Variants in MTUS2 observed in about 807,000 individuals in gnomAD.
MTUS2 encodes the protein microtubule-associated tumor suppressor candidate 2.
A neutral mutation model predicts 114.1 loss-of-function variants in MTUS2; 40 were observed. The ratio of observed to expected loss-of-function variants is 0.35; its 90% CI spans 0.27 to 0.46. MTUS2 has a LOEUF of 0.46. Among genes scored for constraint, MTUS2 ranks in the 20% least tolerant of loss-of-function variants. The probability of loss-of-function intolerance (pLI) is 1.00; values close to 1 mark genes in which losing one functional copy is unlikely to be tolerated. For missense variants in MTUS2, 1,679 were observed against 1,705.4 expected, an observed-to-expected ratio of 0.98 and a Z score of 0.27; for synonymous variants, 688 against 672.0, an observed-to-expected ratio of 1.02 and a Z score of -0.37.
At chr13:28,979,850 C>T (rs551159046) in intron 2 of MTUS2, among the ~76,000 whole-genome samples, 5 of 152,158 alleles carry the variant, frequency 3.3e-5, no homozygotes, top group South Asian at 2.1e-4. Context: ...AATGATATTA[C>T]GATAATGTTT....
At chr13:29,377,799 A>G (rs1362930128) in intron 8 of MTUS2, among the ~76,000 whole-genome samples, 3 of 152,190 alleles carry the variant, frequency 2.0e-5, no homozygotes, top group Admixed American at 6.5e-5. Context: ...AAACATAAAA[A>G]TCAAGGAGAA....
chr13:29,485,416 T>G (rs1370065438), intron 10 of MTUS2: 2 of 152,470 alleles, frequency 1.3e-5, no homozygotes, highest in Non-Finnish European at 2.9e-5. Context: ...AGATAACATT[T>G]TTTAAAAACC....
intron 2 of MTUS2, among the ~76,000 whole-genome samples, chr13:29,013,172 C>G (rs920547062): frequency 6.6e-6 from 1 of 152,086 alleles, no homozygotes; most frequent in Non-Finnish European, 1.5e-5. Context: ...GTTTGGAGTC[C>G]GTGTCTCCTT....
At chr13:28,968,064 T>C (rs1340566629) in intron 2 of MTUS2, among the ~76,000 whole-genome samples, 1 of 152,222 alleles carries the variant, frequency 6.6e-6, no homozygotes, top group Non-Finnish European at 1.5e-5. Flanking sequence ...AACATTAGAC[T>C]GCAATACCTT....
intron 5 of MTUS2, among the ~76,000 whole-genome samples, chr13:29,224,273 T>C (rs1196481019): frequency 6.6e-6 from 1 of 152,224 alleles, no homozygotes; most frequent in Non-Finnish European, 1.5e-5. Context: ...CAATATATTG[T>C]AATTTACTTC....
intron 8 of MTUS2, among the ~76,000 whole-genome samples, chr13:29,421,117 A>G (rs1018400681): frequency 6.6e-6 from 1 of 152,078 alleles, no homozygotes; most frequent in African/African-American, 2.4e-5. Context: ...CAGAGCATCT[A>G]TTGTCTGTGT....
At chr13:28,896,668 T>C (rs1879287787) in intron 2 of MTUS2, among the ~76,000 whole-genome samples, 1 of 152,188 alleles carries the variant, frequency 6.6e-6, no homozygotes, top group African/African-American at 2.4e-5. Context: ...AAGGCTACAG[T>C]AACCAAAACA....
At chr13:29,176,735 C>T (rs1893790033) in intron 5 of MTUS2, among the ~76,000 whole-genome samples, 1 of 145,012 alleles carries the variant, frequency 6.9e-6, no homozygotes, top group Non-Finnish European at 1.5e-5. Flanking sequence ...TTAATACTAT[C>T]ACATTGAGAA....
At chr13:29,108,756 C>T (rs1226204331) in intron 5 of MTUS2, among the ~76,000 whole-genome samples, 1 of 152,094 alleles carries the variant, frequency 6.6e-6, no homozygotes, top group Non-Finnish European at 1.5e-5. Flanking sequence ...ATCCATGCAT[C>T]CTGAGTGAGG....
intron 2 of MTUS2, among the ~76,000 whole-genome samples, chr13:28,889,270 C>T (rs1878778408): frequency 6.6e-6 from 1 of 152,136 alleles, no homozygotes; most frequent in Non-Finnish European, 1.5e-5. Flanking sequence ...AAGTTGGAGG[C>T]ATTTCGGGTT....
At chr13:29,122,199 G>T (rs925481576) in intron 5 of MTUS2, among the ~76,000 whole-genome samples, 1 of 152,104 alleles carries the variant, frequency 6.6e-6, no homozygotes, top group Non-Finnish European at 1.5e-5. Context: ...GGAGGGAGAA[G>T]GGGCTAAGTT....
At chr13:28,919,680 C>A (rs1325624083) in intron 2 of MTUS2, among the ~76,000 whole-genome samples, 1 of 152,134 alleles carries the variant, frequency 6.6e-6, no homozygotes, top group Non-Finnish European at 1.5e-5. Context: ...TCTGTCTCTA[C>A]TTTCTCTTTA....
chr13:29,007,246 A>G (rs117549468), intron 2 of MTUS2, among the ~76,000 whole-genome samples: 2 of 152,194 alleles, frequency 1.3e-5, no homozygotes, highest in East Asian at 3.9e-4. Flanking sequence ...AAATTTTTAA[A>G]TTTTTATTAT....
At chr13:29,045,765 G>A (rs576278082) in intron 4 of MTUS2, among the ~76,000 whole-genome samples, 10 of 152,144 alleles carry the variant, frequency 6.6e-5, no homozygotes, top group Middle Eastern at 3.4e-3. Flanking sequence ...TGCCTCCATC[G>A]GGCCTTTGGG....
rs979953059 is a variant in MTUS2, at chr13:29,176,936, C to G, written c.2644+75966C>G. Among the ~76,000 whole-genome samples the G allele has an allele frequency of 1.2e-4, 18 of 151,066 alleles. 1 individual carries two copies. Among genetic ancestry groups the G allele is most frequent in the African/African-American group, 4.5e-4 (18 of 40,422 alleles). Reference sequence around the variant, plus strand: ...GGAGTCCCCGGCAGGCATGGTGGCTCTTTACTGTCAATGATCTCTGTTGCC... The same window carrying G: ...GGAGTCCCCGGCAGGCATGGTGGCTGTTTACTGTCAATGATCTCTGTTGCC... On this transcript the variant is annotated intron_variant, in intron 5 of 15. Coordinates refer to ENST00000612955, the MANE Select transcript of MTUS2 (RefSeq NM_001033602.4).
chr13:29,084,133 T>G (rs1889562897), intron 4 of MTUS2, among the ~76,000 whole-genome samples: 1 of 152,218 alleles, frequency 6.6e-6, no homozygotes, highest in African/African-American at 2.4e-5. Flanking sequence ...GTTAAGGCCA[T>G]GAAGATTTGC....
chr13:29,312,561 TG>T (rs1317616933), intron 6 of MTUS2, among the ~76,000 whole-genome samples: 2 of 152,216 alleles, frequency 1.3e-5, no homozygotes, highest in Non-Finnish European at 2.9e-5. Context: ...TTTGAATTAA[TG>T]GTGAAAATAA....
At chr13:28,831,909 A>T (rs994736982) in intron 1 of MTUS2, among the ~76,000 whole-genome samples, 1 of 150,288 alleles carries the variant, frequency 6.7e-6, no homozygotes, top group African/African-American at 2.4e-5. Flanking sequence ...GGTGCATGCC[A>T]CCATGCCTGG....
At chr13:28,885,918 TG>T in intron 2 of MTUS2, among the ~76,000 whole-genome samples, 1 of 152,138 alleles carries the variant, frequency 6.6e-6, no homozygotes, top group Non-Finnish European at 1.5e-5. Flanking sequence ...TGTAGTGCAG[TG>T]GGTTGATATT....
Sources: allele counts gnomAD v4.1 joint callset (sites outside exome capture counted in the v4.1 genomes callset), GRCh38; gene constraint gnomAD v4.1.1; transcripts MANE v1.5; gene names NCBI Gene and HGNC (gene_info 2026-07-23, HGNC 2026-07-21).